PLXNA4: variants seen among roughly 807,000 people sequenced by gnomAD.
PLXNA4 encodes the protein plexin-A4.
A neutral mutation model predicts 191.8 loss-of-function variants in PLXNA4; 44 were observed. The ratio of observed to expected loss-of-function variants is 0.23; its 90% CI spans 0.18 to 0.29. PLXNA4 has a LOEUF of 0.29. Among genes scored for constraint, PLXNA4 ranks in the 10% least tolerant of loss-of-function variants. The probability of loss-of-function intolerance (pLI) is 1.00; values close to 1 mark genes in which losing one functional copy is unlikely to be tolerated. For synonymous variants in PLXNA4, 1,082 were observed against 1,009.5 expected, an observed-to-expected ratio of 1.07 and a Z score of -1.36; for missense variants, 1,800 against 2,488.8, an observed-to-expected ratio of 0.72 and a Z score of 5.89.
At chr7:132,404,407 T>C (rs1301500038) in intron 3 of PLXNA4, among the ~76,000 whole-genome samples, 3 of 152,204 alleles carry the variant, frequency 2.0e-5, no homozygotes, top group African/African-American at 7.2e-5. Context: ...AGAAGGCTGG[T>C]GCGCAGCCTC....
intron 15 of PLXNA4, among the ~76,000 whole-genome samples, chr7:132,186,473 T>C (rs528737582): frequency 6.6e-6 from 1 of 152,286 alleles, no homozygotes; most frequent in South Asian, 2.1e-4. Flanking sequence ...TGATGGGCCA[T>C]GAAGCATATG....
chr7:132,303,077 A>G (rs1486665100), intron 3 of PLXNA4, among the ~76,000 whole-genome samples: 1 of 151,234 alleles, frequency 6.6e-6, no homozygotes, highest in Non-Finnish European at 1.5e-5. Flanking sequence ...GGGTTTCACC[A>G]TATTTGCCAG....
chr7:132,579,817 G>A (rs1301452995), upstream of PLXNA4, among the ~76,000 whole-genome samples: 1 of 152,136 alleles, frequency 6.6e-6, no homozygotes, highest in African/African-American at 2.4e-5. Context: ...GCATACCAAA[G>A]GGGGCAGTTA....
intron 2 of PLXNA4, among the ~76,000 whole-genome samples, chr7:132,598,290 G>A (rs1225371531): frequency 6.6e-6 from 1 of 152,086 alleles, no homozygotes; most frequent in African/African-American, 2.4e-5. Context: ...TGTATTTTCA[G>A]TAGAGACAGG....
intron 20 of PLXNA4, among the ~76,000 whole-genome samples, chr7:132,178,945 G>GCACA (rs553708028): frequency 0.05 from 5,047 of 101,826 alleles, 721 homozygotes; most frequent in African/African-American, 0.17. Context: ...ACACACACGT[G>GCACA]CACACACACA....
In PLXNA4 at chr7:132,588,794, GAAGA is replaced by G. The variant is rs371107501; in HGVS notation, c.-87+57130_-87+57133del. Reference sequence around the variant, plus strand: ...AGAAAGAGAAAGAGAGAAAAAGAAAGAAGAAAGAAAGAAAGAAAAAGAAAGAAAG... The same window carrying G: ...AGAAAGAGAAAGAGAGAAAAAGAAAGAAGAAAGAAAGAAAAAGAAAGAAAG... On this transcript the variant is annotated intron_variant, in intron 2 of 4. Transcript: ENST00000378539. 3.8e-3 allele frequency among the ~76,000 whole-genome samples: 551 copies of G among 145,270 alleles called. 5 individuals carry two copies. Among genetic ancestry groups the G allele is most frequent in the African/African-American group, 6.5e-3 (254 of 39,304 alleles).
In PLXNA4 at chr7:132,146,627, C is replaced by A; in HGVS notation, c.4938G>T (p.Glu1646Asp). 6.2e-7 allele frequency: 1 copy of A among 1,614,212 alleles called. No individual in the cohort carries two copies. The highest frequency in any genetic ancestry group is 8.5e-7 in the Non-Finnish European group (1 of 1,180,044). Residue 1646 changes from glutamate (E) to aspartate (D), a missense_variant, in exon 28 of 32, where the codon GAG (glutamate) becomes GAT (aspartate). Coordinates refer to ENST00000321063, the MANE Select transcript of PLXNA4 (RefSeq NM_020911.2). ...SRTPMITPDL[E>D]SGVKMWHLVK... Reference sequence around the variant, plus strand: ...CTAGGTGCCACATCTTGACTCCACTCTCCAGGTCAGGAGTGATCATAGGTG... The same window carrying A: ...CTAGGTGCCACATCTTGACTCCACTATCCAGGTCAGGAGTGATCATAGGTG...
rs1182922552 is a variant in PLXNA4, at chr7:132,127,135, C to CCTT, written c.*3341_*3343dup. On this transcript the variant is annotated 3_prime_UTR_variant, in exon 32 of 32. Transcript: ENST00000321063. The stretch of plus-strand genomic sequence containing the variant: ...CCCCTTCTTCCCTGCTACCTTAAGC[C>CCTT]CTTCTCTCTCCAACATGCAAAAAAA... 1 of 152,162 alleles carries CCTT rather than the reference C, an allele frequency of 6.6e-6. No homozygotes were observed. Among genetic ancestry groups the CCTT allele is most frequent in the East Asian group, 1.9e-4 (1 of 5,186 alleles). 9.4% of individuals were successfully genotyped at this position (152,162 alleles called of 1,614,324 possible).
Position 132,185,188 on chromosome 7 carries a change from C to T in PLXNA4, c.3158+111G>A. On this transcript the variant is annotated intron_variant, in intron 16 of 31. Coordinates refer to ENST00000321063, the MANE Select transcript of PLXNA4 (RefSeq NM_020911.2). ...GGGGTGTTTGGAATCAATTCCAGCT[C>T]ATCCATCCCCCAAGCAGGACTGGGC... The T allele has an allele frequency of 7.1e-6, 10 of 1,411,144 alleles. No individual in the cohort carries two copies. In the South Asian group the frequency reaches 1.5e-4, roughly 21 times the overall value. 87.4% of individuals were successfully genotyped at this position (1,411,144 alleles called of 1,614,324 possible).
intron 2 of PLXNA4, among the ~76,000 whole-genome samples, chr7:132,623,808 C>T (rs942639628): frequency 1.3e-5 from 2 of 152,198 alleles, no homozygotes; most frequent in Admixed American, 1.3e-4. Flanking sequence ...AGCACCTCAC[C>T]CAAAGGTGGC....
chr7:132,453,894 G>C (rs1796219787), intron 3 of PLXNA4, among the ~76,000 whole-genome samples: 1 of 152,172 alleles, frequency 6.6e-6, no homozygotes, highest in African/African-American at 2.4e-5. Context: ...CACTTTCAGT[G>C]ACTATAATAA....
intron 4 of PLXNA4, among the ~76,000 whole-genome samples, chr7:132,268,861 C>A (rs1563002440): frequency 6.6e-6 from 1 of 152,176 alleles, no homozygotes; most frequent in African/African-American, 2.4e-5. Flanking sequence ...ATCATGTCAC[C>A]TTTTCCTGAG....
chr7:132,315,183 C>T (rs1390297714), intron 3 of PLXNA4, among the ~76,000 whole-genome samples: 1 of 152,158 alleles, frequency 6.6e-6, no homozygotes, highest in Non-Finnish European at 1.5e-5. Flanking sequence ...ACCAGAGGGG[C>T]TTTCACTCCG....
chr7:132,226,768 G>C (rs1356427636), intron 7 of PLXNA4, among the ~76,000 whole-genome samples: 1 of 152,190 alleles, frequency 6.6e-6, no homozygotes, highest in Non-Finnish European at 1.5e-5. Flanking sequence ...CTCATCTGGT[G>C]CCAGGGAGGA....
intron 5 of PLXNA4, among the ~76,000 whole-genome samples, chr7:132,233,999 G>C (rs113474068): frequency 1.3e-5 from 2 of 152,266 alleles, no homozygotes; most frequent in African/African-American, 4.8e-5. Flanking sequence ...TTCATCAGTG[G>C]CTAGCTCTAT....
At chr7:132,596,395 C>T (rs968417642) in intron 2 of PLXNA4, among the ~76,000 whole-genome samples, 10 of 152,200 alleles carry the variant, frequency 6.6e-5, no homozygotes, top group African/African-American at 2.4e-4. Context: ...TATGACAGAG[C>T]CACTGAATGC....
intron 1 of PLXNA4, among the ~76,000 whole-genome samples, chr7:132,531,183 G>A (rs1799603289): frequency 1.3e-5 from 2 of 152,152 alleles, no homozygotes; most frequent in African/African-American, 4.8e-5. Flanking sequence ...TGTAATTAAT[G>A]CCACTGAATT....
intron 2 of PLXNA4, among the ~76,000 whole-genome samples, chr7:132,612,472 C>T (rs1353915061): frequency 6.6e-6 from 1 of 151,924 alleles, no homozygotes; most frequent in Non-Finnish European, 1.5e-5. Flanking sequence ...ACCAGCCTGG[C>T]CAACATGGTG....
intron 4 of PLXNA4, among the ~76,000 whole-genome samples, chr7:132,278,917 C>T (rs946141858): frequency 1.3e-5 from 2 of 152,138 alleles, no homozygotes; most frequent in Non-Finnish European, 2.9e-5. Flanking sequence ...AACTTTCACA[C>T]GTCAGGGCTT....
Sources: gnomAD v4.1 joint callset for allele counts (sites outside exome capture counted in the v4.1 genomes callset) on GRCh38, gnomAD v4.1.1 for gene constraint, MANE v1.5 for transcripts, NCBI Gene and HGNC (gene_info 2026-07-23, HGNC 2026-07-21) for gene names.